ARHGAP15: variants seen among roughly 807,000 people sequenced by gnomAD.
The protein encoded by ARHGAP15 is rho GTPase-activating protein 15.
Under a neutral mutation model 63.7 loss-of-function variants are expected in ARHGAP15, and 51 were observed. The ratio of observed to expected loss-of-function variants is 0.80; its 90% confidence interval spans 0.64 to 1.01. ARHGAP15 has a LOEUF of 1.01. ARHGAP15 is among the 50% of genes least tolerant of loss of function. The pLI is 0.00. For missense variants in ARHGAP15, 560 were observed against 564.6 expected, an observed-to-expected ratio of 0.99 and a Z score of 0.08; for synonymous variants, 191 against 193.8, an observed-to-expected ratio of 0.99 and a Z score of 0.12.
intron 11 of ARHGAP15, among the ~76,000 whole-genome samples, chr2:143,582,947 C>G (rs766747773): frequency 1.3e-5 from 2 of 152,108 alleles, no homozygotes; most frequent in Non-Finnish European, 2.9e-5. Flanking sequence ...AGGTTGAGTC[C>G]CAGCTTTTCT....
chr2:143,152,753 AC>A (rs1174238951), intron 1 of ARHGAP15, among the ~76,000 whole-genome samples: 1 of 152,016 alleles, frequency 6.6e-6, no homozygotes, highest in Non-Finnish European at 1.5e-5. Context: ...CAAGTCAATG[AC>A]CTTGCAGAGC....
At chr2:143,400,036 G>C (rs915369378) in intron 6 of ARHGAP15, among the ~76,000 whole-genome samples, 1 of 152,014 alleles carries the variant, frequency 6.6e-6, no homozygotes, top group Non-Finnish European at 1.5e-5. Context: ...CATATCACTA[G>C]GTGGTTCTGT....
At chr2:143,578,574 G>A (rs1696767681) in intron 11 of ARHGAP15, among the ~76,000 whole-genome samples, 1 of 152,068 alleles carries the variant, frequency 6.6e-6, no homozygotes, top group Non-Finnish European at 1.5e-5. Context: ...AAAAAAGGTG[G>A]GGGGGTAGTT....
At chr2:143,700,136 T>C (rs996530538) in intron 12 of ARHGAP15, among the ~76,000 whole-genome samples, 2 of 152,066 alleles carry the variant, frequency 1.3e-5, no homozygotes, top group African/African-American at 2.4e-5. Context: ...ACAAATACCA[T>C]GTGAAGTGTT....
At chr2:143,707,390 A>G (rs2105432737) in intron 13 of ARHGAP15, among the ~76,000 whole-genome samples, 1 of 152,370 alleles carries the variant, frequency 6.6e-6, no homozygotes, top group Middle Eastern at 3.4e-3. Context: ...TTTTAAAAGC[A>G]AAATGAGATA....
At chr2:143,522,682 C>T (rs967444721) in intron 10 of ARHGAP15, among the ~76,000 whole-genome samples, 3 of 152,094 alleles carry the variant, frequency 2.0e-5, no homozygotes, top group African/African-American at 7.2e-5. Context: ...TACACTAACG[C>T]TAACAATAGC....
intron 11 of ARHGAP15, among the ~76,000 whole-genome samples, chr2:143,602,014 C>G (rs1697789367): frequency 6.6e-6 from 1 of 152,006 alleles, no homozygotes; most frequent in South Asian, 2.1e-4. Context: ...GGAAAATCAG[C>G]TAGTCTTTTT....
rs184122876 is a variant in ARHGAP15, at chr2:143,502,844, T to C, written c.826+15349T>C. On this transcript the variant is annotated intron_variant, in intron 9 of 13. Transcript: ENST00000295095. ...ATCCACCCACCTCAACCTCCCCAAA[T>C]GCTGGGATTACAGGTGTGAGCCACT... 6.6e-5 allele frequency among the ~76,000 whole-genome samples: 10 copies of C among 152,268 alleles called. No individual in the cohort carries two copies. In the East Asian group the frequency reaches 1.9e-3, roughly 29 times the overall value.
At chr2:143,431,800 T>A (rs1689400609) in intron 6 of ARHGAP15, among the ~76,000 whole-genome samples, 1 of 152,082 alleles carries the variant, frequency 6.6e-6, no homozygotes, top group Non-Finnish European at 1.5e-5. Context: ...TTGTTAATGA[T>A]TAGTAGGATG....
At chr2:143,419,610 A>G (rs1291920326) in intron 6 of ARHGAP15, among the ~76,000 whole-genome samples, 2 of 151,852 alleles carry the variant, frequency 1.3e-5, no homozygotes, top group East Asian at 3.9e-4. Flanking sequence ...ATAAGATACG[A>G]TATTGTATAT....
intron 12 of ARHGAP15, among the ~76,000 whole-genome samples, chr2:143,697,249 G>T (rs1683891774): frequency 6.6e-6 from 1 of 152,100 alleles, no homozygotes; most frequent in Admixed American, 6.6e-5. Context: ...GTAAAAGTAT[G>T]ACTTCATTTG....
intron 6 of ARHGAP15, among the ~76,000 whole-genome samples, chr2:143,283,106 T>C (rs1035866526): frequency 1.3e-5 from 2 of 152,174 alleles, no homozygotes; most frequent in African/African-American, 4.8e-5. Context: ...AGGAGTTTTT[T>C]TGCTAACATT....
intron 6 of ARHGAP15, among the ~76,000 whole-genome samples, chr2:143,258,510 T>G (rs973785508): frequency 6.6e-6 from 1 of 152,098 alleles, no homozygotes; most frequent in South Asian, 2.1e-4. Flanking sequence ...ATGTAAGAGT[T>G]AAACATACTA....
At chr2:143,667,229 AC>A (rs1311969317) in intron 12 of ARHGAP15, among the ~76,000 whole-genome samples, 1 of 149,430 alleles carries the variant, frequency 6.7e-6, no homozygotes, top group Non-Finnish European at 1.5e-5. Flanking sequence ...ACCATGGAAT[AC>A]TATGCAGCCA....
At chr2:143,296,254 C>T (rs1189940255) in intron 6 of ARHGAP15, among the ~76,000 whole-genome samples, 2 of 151,980 alleles carry the variant, frequency 1.3e-5, no homozygotes, top group Non-Finnish European at 2.9e-5. Context: ...GACATCATGG[C>T]TGTTTGCAGT....
chr2:143,292,328 CAA>C (rs1324521650), intron 6 of ARHGAP15, among the ~76,000 whole-genome samples: 5 of 151,948 alleles, frequency 3.3e-5, no homozygotes, highest in African/African-American at 1.2e-4. Flanking sequence ...TGTATTTTCT[CAA>C]TATATAATGC....
chr2:143,431,884 G>C (rs565302678), intron 6 of ARHGAP15, among the ~76,000 whole-genome samples: 9 of 151,898 alleles, frequency 5.9e-5, no homozygotes, highest in African/African-American at 1.9e-4. Flanking sequence ...CAATCAGAAG[G>C]GTGGGGCTCT....
intron 5 of ARHGAP15, chr2:143,238,215 A>AGCTT (rs747023886): frequency 3.3e-5 from 5 of 152,216 alleles, no homozygotes; most frequent in Admixed American, 6.5e-5. Flanking sequence ...TAAACTAAAG[A>AGCTT]GCTTCCGCAC....
At chr2:143,623,442 A>G (rs1268002601) in intron 11 of ARHGAP15, among the ~76,000 whole-genome samples, 4 of 152,164 alleles carry the variant, frequency 2.6e-5, no homozygotes, top group Non-Finnish European at 5.9e-5. Context: ...TTAGTGTGTT[A>G]TCATTTTTGA....
Sources: gnomAD v4.1 joint callset for allele counts (sites outside exome capture counted in the v4.1 genomes callset) on GRCh38, gnomAD v4.1.1 for gene constraint, MANE v1.5 for transcripts, NCBI Gene and HGNC (gene_info 2026-07-23, HGNC 2026-07-21) for gene names.